Variants in PCNX2 observed in about 807,000 individuals in gnomAD.
PCNX2 encodes the protein pecanex-like protein 2.
In PCNX2, 168 loss-of-function variants were observed where a neutral mutation model predicts 223.8. That is an observed-to-expected ratio of 0.75 (90% CI 0.66 to 0.85). The LOEUF is 0.85. Ranked by LOEUF, PCNX2 falls within the 40% of genes least tolerant of loss-of-function variation. The pLI is 0.00. For missense variants in PCNX2, 2,507 were observed against 2,675.5 expected (o/e 0.94, Z 1.39); for synonymous variants, 1,006 against 1,052.6 (o/e 0.96, Z 0.86).
intron 23 of PCNX2, chr1:233,058,146 T>C: frequency 8.9e-6 from 7 of 782,140 alleles, no homozygotes; most frequent in Non-Finnish European, 1.1e-5. Context: ...TGCACAGCTT[T>C]TGTAAGGCAG....
intron 8 of PCNX2, among the ~76,000 whole-genome samples, chr1:233,246,057 A>G (rs966754078): frequency 1.3e-4 from 20 of 152,258 alleles, no homozygotes; most frequent in African/African-American, 4.8e-4. Context: ...ATGAGCCATC[A>G]TAAGTAGACT....
intron 19 of PCNX2, among the ~76,000 whole-genome samples, chr1:233,146,978 AAC>A (rs1558280676): frequency 6.6e-6 from 1 of 152,238 alleles, no homozygotes; most frequent in Non-Finnish European, 1.5e-5. Flanking sequence ...TCATCTCAGA[AAC>A]ACATAAAACA....
intron 17 of PCNX2, chr1:233,172,385 G>A: frequency 1.0e-6 from 1 of 985,420 alleles, no homozygotes; most frequent in Non-Finnish European, 1.2e-6. Context: ...GAGGGATTTG[G>A]TGCCATCTAG....
intron 22 of PCNX2, among the ~76,000 whole-genome samples, chr1:233,093,639 G>T (rs1351228038): frequency 6.6e-6 from 1 of 152,082 alleles, no homozygotes; most frequent in Admixed American, 6.5e-5. Flanking sequence ...AACTGATGAA[G>T]GATGAGGGGG....
intron 8 of PCNX2, among the ~76,000 whole-genome samples, chr1:233,244,562 A>G (rs911172676): frequency 4.6e-5 from 7 of 152,062 alleles, no homozygotes; most frequent in Admixed American, 2.6e-4. Context: ...AATACAAAAA[A>G]TTAGCCAGGT....
chr1:233,235,389 C>T (rs1005615693), intron 9 of PCNX2, among the ~76,000 whole-genome samples: 6 of 151,914 alleles, frequency 3.9e-5, no homozygotes, highest in Non-Finnish European at 5.9e-5. Context: ...GGGCTCAAAC[C>T]GTCTCCCCAC....
intron 8 of PCNX2, 44 bp from the exon 9 acceptor site, chr1:233,237,024 A>T: frequency 6.2e-7 from 1 of 1,610,474 alleles, no homozygotes; most frequent in Non-Finnish European, 8.5e-7. Flanking sequence ...TGGTAATACC[A>T]GAAGTCATCT....
chr1:233,284,618 C>T (rs987303712), intron 1 of PCNX2, among the ~76,000 whole-genome samples: 1 of 152,130 alleles, frequency 6.6e-6, no homozygotes, highest in Non-Finnish European at 1.5e-5. Flanking sequence ...GAGAAGACAT[C>T]AATCCATCTT....
intron 26 of PCNX2, chr1:233,019,173 G>A: frequency 1.0e-6 from 1 of 985,416 alleles, no homozygotes; most frequent in Non-Finnish European, 1.2e-6. Flanking sequence ...GCTCTCTGCT[G>A]TGAGGACTGA....
intron 21 of PCNX2, among the ~76,000 whole-genome samples, chr1:233,116,848 T>C (rs910979997): frequency 2.6e-5 from 4 of 151,868 alleles, no homozygotes; most frequent in African/African-American, 7.3e-5. Flanking sequence ...AGAAAATCAA[T>C]GTAACAAAGA....
At chr1:233,108,461 G>GT (rs1181576284) in intron 21 of PCNX2, among the ~76,000 whole-genome samples, 7 of 152,222 alleles carry the variant, frequency 4.6e-5, no homozygotes, top group Non-Finnish European at 8.8e-5. Context: ...TGGTGGGACA[G>GT]TGTAAAGCCT....
rs748894875 is a variant in PCNX2, at chr1:233,095,699, G to C, written c.3946+56C>G. On this transcript the variant is annotated intron_variant, in intron 22 of 33. Transcript: ENST00000258229. ...ATTGCCAGGGGTCAATGAAAAGCTTGCTTCCGTAAAATGTGAATCTCAGCT... is the reference window on the plus strand; with the variant it reads ...ATTGCCAGGGGTCAATGAAAAGCTTCCTTCCGTAAAATGTGAATCTCAGCT... The C allele has an allele frequency of 7.7e-6, 11 of 1,420,726 alleles. No individual in the cohort carries two copies. The Admixed American group carries it at 1.2e-4, about 15-fold the overall frequency. 88.0% of individuals were successfully genotyped at this position (1,420,726 alleles called of 1,614,324 possible).
Position 233,111,210 on chromosome 1 carries a change from G to A in PCNX2, c.3838-15347C>T, listed in dbSNP as rs545691247. ...TAGGTCTGCCTCTTATTAGTTGTGA[G>A]ATGGGTTTCAGTCCACTGAGCCTCA... On this transcript the variant is annotated intron_variant, in intron 21 of 33. Coordinates refer to ENST00000258229, the MANE Select transcript of PCNX2 (RefSeq NM_014801.4). 1.5e-4 allele frequency among the ~76,000 whole-genome samples: 23 copies of A among 152,236 alleles called. No homozygotes were observed. In the South Asian group the frequency reaches 4.6e-3, roughly 30 times the overall value.
chr1:233,044,523 A>G (rs1341197796), intron 25 of PCNX2, among the ~76,000 whole-genome samples: 1 of 152,170 alleles, frequency 6.6e-6, no homozygotes, highest in East Asian at 1.9e-4. Flanking sequence ...CCGTTTAGGT[A>G]GATGCAAGTA....
At chr1:233,052,947 C>T (rs1672059916) in intron 25 of PCNX2, among the ~76,000 whole-genome samples, 1 of 151,914 alleles carries the variant, frequency 6.6e-6, no homozygotes, top group Admixed American at 6.6e-5. Context: ...TCTGATTCCA[C>T]CTCCCAGTCT....
Position 233,126,662 on chromosome 1 carries a change from C to T in PCNX2, c.3837+8351G>A, listed in dbSNP as rs1178639781. ...CAGACTTTTTTTGTATTTTCCATTG[C>T]TTTTCTAATTTTATCATGATAAGAA... is the stretch of plus-strand genomic sequence containing the variant. On this transcript the variant is annotated intron_variant, in intron 21 of 33. Coordinates refer to ENST00000258229, the MANE Select transcript of PCNX2 (RefSeq NM_014801.4). This position sits in a 1 kb window ranked among gnomAD's most constrained non-coding sequence, Gnocchi z 4.8. 6.6e-6 allele frequency among the ~76,000 whole-genome samples: 1 copy of T among 151,912 alleles called. No individual in the cohort carries two copies. Among genetic ancestry groups the T allele is most frequent in the Non-Finnish European group, 1.5e-5 (1 of 67,966 alleles).
chr1:233,104,979 A>G (rs1307937857), intron 21 of PCNX2, among the ~76,000 whole-genome samples: 2 of 152,166 alleles, frequency 1.3e-5, no homozygotes, highest in Admixed American at 1.3e-4. Context: ...AAGCAGTAGT[A>G]CCAACTAGAA....
chr1:233,024,000 A>C (rs1195613304), intron 26 of PCNX2, among the ~76,000 whole-genome samples: 1 of 152,010 alleles, frequency 6.6e-6, no homozygotes, highest in Non-Finnish European at 1.5e-5. Context: ...GCAGCCTCAA[A>C]CTCCTGGGCT....
chr1:233,090,573 C>T (rs1360178932), intron 22 of PCNX2, among the ~76,000 whole-genome samples: 1 of 152,144 alleles, frequency 6.6e-6, no homozygotes, highest in Non-Finnish European at 1.5e-5. Context: ...TTAGATGATA[C>T]TTTTTGAAAA....
Sources: allele counts gnomAD v4.1 joint callset (sites outside exome capture counted in the v4.1 genomes callset), GRCh38; gene constraint gnomAD v4.1.1; non-coding constraint Gnocchi (gnomAD v3.1); transcripts MANE v1.5; gene names NCBI Gene and HGNC (gene_info 2026-07-23, HGNC 2026-07-21).